PCDH11X: variants seen among roughly 807,000 people sequenced by gnomAD.
PCDH11X encodes the protein protocadherin-11 X-linked.
A neutral mutation model predicts 53.3 loss-of-function variants in PCDH11X; 18 were observed. The observed-to-expected ratio is 0.34, with a 90% CI of 0.23 to 0.50. PCDH11X has a LOEUF of 0.50. Among genes scored for constraint, PCDH11X ranks in the 20% least tolerant of loss-of-function variants. PCDH11X has a pLI of 0.98. For synonymous variants in PCDH11X, 279 were observed against 393.3 expected (o/e 0.71, Z 3.44); for missense variants, 570 against 1,032.4 (o/e 0.55, Z 6.14).
chrX:91,838,754 T>G (rs1291627871), intron 5 of PCDH11X, among the ~76,000 whole-genome samples: 2 of 107,426 alleles, frequency 1.9e-5, no homozygotes, highest in South Asian at 4.2e-4. Context: ...TTTTGTTGAA[T>G]AGACAAGAAT....
intron 6 of PCDH11X, among the ~76,000 whole-genome samples, chrX:92,186,719 A>G (rs1046378376): frequency 9.0e-6 from 1 of 110,917 alleles, no homozygotes; most frequent in African/African-American, 3.3e-5. Flanking sequence ...CAGACACAAA[A>G]TTACAGATAG....
chrX:92,312,797 C>T (rs1229969332), intron 8 of PCDH11X, among the ~76,000 whole-genome samples: 3 of 111,284 alleles, frequency 2.7e-5, no homozygotes, highest in African/African-American at 6.5e-5. Context: ...CGATCATTTT[C>T]CCTACTAGCA....
intron 6 of PCDH11X, among the ~76,000 whole-genome samples, chrX:91,898,847 GCTTTC>G (rs1940849072): frequency 9.1e-6 from 1 of 110,237 alleles, no homozygotes; most frequent in Non-Finnish European, 1.9e-5. Flanking sequence ...TTGAGGTTTA[GCTTTC>G]CTATCTAATA....
At chrX:92,088,385 C>A (rs148142702) in intron 6 of PCDH11X, among the ~76,000 whole-genome samples, 5,433 of 110,413 alleles carry the variant, frequency 0.049, 273 homozygotes, top group African/African-American at 0.15. Flanking sequence ...TTAAGGAATT[C>A]TCTTTTTTAA....
chrX:92,278,806 G>GTTTTTTTTTTTTTTTTTTTTTTTTTTTT (rs35000823), intron 8 of PCDH11X, among the ~76,000 whole-genome samples: 1 of 47,378 alleles, frequency 2.1e-5, no homozygotes, highest in African/African-American at 9.3e-5. Context: ...TCTCTTTTCA[G>GTTTTTTTTTTTTTTTTTTTTTTTTTTTT]TTTTTTTTTT....
chrX:92,470,294 G>A (rs1301181262), intron 10 of PCDH11X, among the ~76,000 whole-genome samples: 2 of 98,641 alleles, frequency 2.0e-5, no homozygotes, highest in East Asian at 3.1e-4. Flanking sequence ...TTTTGGATAC[G>A]AAATCAACAT....
intron 9 of PCDH11X, among the ~76,000 whole-genome samples, chrX:92,412,546 TATATATATAG>T (rs1308321131): frequency 9.3e-5 from 6 of 64,216 alleles, no homozygotes; most frequent in Non-Finnish European, 1.5e-4. Flanking sequence ...TATATATATA[TATATATATAG>T]ATAAAGAGGT....
intron 6 of PCDH11X, among the ~76,000 whole-genome samples, chrX:92,155,507 CT>C (rs1391605832): frequency 5.6e-5 from 5 of 89,688 alleles, no homozygotes; most frequent in Non-Finnish European, 1.1e-4. Flanking sequence ...CTTTCACACA[CT>C]TTGGCTCTTT....
At position 91,991,348 on chromosome X, in the gene PCDH11X, C is replaced by CT. The variant is rs1479279720; in HGVS notation, c.3033+112078dup. ...TACTGAGAACAGGCTTTTGTTAAGA[C>CT]TTTCTTTTTTTTTTTTTTTTTGGTC... On this transcript the variant is annotated intron_variant, in intron 6 of 10. Coordinates refer to ENST00000682573, the MANE Select transcript of PCDH11X (RefSeq NM_032968.5). 1.7e-3 allele frequency among the ~76,000 whole-genome samples: 122 copies of CT among 72,516 alleles called. 1 individual carries two copies. The highest frequency in any genetic ancestry group is 7.3e-3 in the African/African-American group (120 of 16,518). The allele number at this position is 72,516 out of a possible 115,157, so 63.0% of individuals were successfully genotyped here.
At chrX:92,391,221 TAAAAAGC>T (rs2071121563) in intron 9 of PCDH11X, among the ~76,000 whole-genome samples, 1 of 106,310 alleles carries the variant, frequency 9.4e-6, no homozygotes, top group East Asian at 3.0e-4. Context: ...GTTAATTTGT[TAAAAAGC>T]AAAAACAAAA....
At chrX:92,614,404 C>T (rs1370644506) in intron 10 of PCDH11X, among the ~76,000 whole-genome samples, 2 of 105,796 alleles carry the variant, frequency 1.9e-5, no homozygotes, top group Non-Finnish European at 3.9e-5. Flanking sequence ...TGGGTATGGT[C>T]ACTTGTCTTT....
At chrX:92,229,353 T>C (rs2067027814) in intron 7 of PCDH11X, among the ~76,000 whole-genome samples, 1 of 111,155 alleles carries the variant, frequency 9.0e-6, no homozygotes, top group African/African-American at 3.3e-5. Flanking sequence ...TCCCCTCATT[T>C]TGCCAAGGTC....
chrX:92,122,852 G>A (rs1352524298), intron 6 of PCDH11X, among the ~76,000 whole-genome samples: 1 of 110,995 alleles, frequency 9.0e-6, no homozygotes, highest in East Asian at 2.8e-4. Flanking sequence ...CAGGAGAGTT[G>A]CTTGAACCTG....
intron 8 of PCDH11X, among the ~76,000 whole-genome samples, chrX:92,334,780 T>C (rs1413973149): frequency 9.0e-6 from 1 of 111,698 alleles, no homozygotes; most frequent in Non-Finnish European, 1.9e-5. Flanking sequence ...TCTAAATGAA[T>C]CTTCTCTTCC....
intron 9 of PCDH11X, among the ~76,000 whole-genome samples, chrX:92,417,287 G>A (rs1306883470): frequency 9.0e-6 from 1 of 111,308 alleles, no homozygotes; most frequent in Non-Finnish European, 1.9e-5. Context: ...TTCTTTTCAT[G>A]TATATTTTTT....
chrX:91,850,254 A>G (rs6618810), intron 5 of PCDH11X, among the ~76,000 whole-genome samples: 13,038 of 109,779 alleles, frequency 0.12, 1,928 homozygotes, highest in African/African-American at 0.41. Flanking sequence ...TGGATCTTGT[A>G]GGTGTCACAA....
chrX:91,847,077 G>T (rs1169714579), intron 5 of PCDH11X, among the ~76,000 whole-genome samples: 2 of 110,614 alleles, frequency 1.8e-5, no homozygotes, highest in Admixed American at 1.9e-4. Context: ...CAAATGGTTT[G>T]ACCTGTACAG....
intron 6 of PCDH11X, among the ~76,000 whole-genome samples, chrX:91,956,311 A>G (rs920500681): frequency 1.8e-5 from 2 of 111,178 alleles, no homozygotes; most frequent in Non-Finnish European, 3.8e-5. Context: ...CTAGCTGGTT[A>G]TTTTGTAGTC....
At chrX:92,489,625 A>G (rs1243245228) in intron 10 of PCDH11X, among the ~76,000 whole-genome samples, 1 of 107,731 alleles carries the variant, frequency 9.3e-6, no homozygotes, top group African/African-American at 3.4e-5. Context: ...ATAATAATAT[A>G]TCTCTTCTTT....
Sources: allele counts gnomAD v4.1 joint callset (sites outside exome capture counted in the v4.1 genomes callset), GRCh38; gene constraint gnomAD v4.1.1; transcripts MANE v1.5; gene names NCBI Gene and HGNC (gene_info 2026-07-23, HGNC 2026-07-21).